MLH3: variants seen among roughly 807,000 people sequenced by gnomAD.
MLH3 encodes the protein mutL homolog 3.
MLH3 carries 82 observed loss-of-function variants against 122.2 expected under a neutral mutation model. That is an observed-to-expected ratio of 0.67 (90% CI 0.56 to 0.81). MLH3 has a LOEUF of 0.81. MLH3 is among the 30% of genes least tolerant of loss of function. The pLI is 0.00. For missense variants in MLH3, 1,539 were observed against 1,714.5 expected (o/e 0.90, Z 1.81); for synonymous variants, 524 against 599.5 (o/e 0.87, Z 1.84).
intron 9 of MLH3, among the ~76,000 whole-genome samples, chr14:75,027,915 T>C (rs1422663735): frequency 1.3e-5 from 2 of 151,740 alleles, no homozygotes; most frequent in African/African-American, 4.8e-5. Flanking sequence ...AGGAAGAGGA[T>C]AGAGAAGTGA....
At chr14:75,031,026 G>T (rs1891014927) in intron 8 of MLH3, among the ~76,000 whole-genome samples, 1 of 152,194 alleles carries the variant, frequency 6.6e-6, no homozygotes, top group Admixed American at 6.5e-5. Context: ...TGAAGAAAAG[G>T]TCTGAGAGTG....
chr14:75,039,782 A>G, intron 5 of MLH3, 129 bp downstream of exon 5: 1 of 279,604 alleles, frequency 3.6e-6, no homozygotes, highest in Admixed American at 5.4e-5. Flanking sequence ...ACACACACAC[A>G]CACACGTGCC....
rs1037545863 is a variant in MLH3, at chr14:75,040,311, G to A, written c.3466-296C>T. On this transcript the variant is annotated intron_variant, in intron 4 of 12. Coordinates refer to ENST00000355774, the MANE Select transcript of MLH3 (RefSeq NM_001040108.2). ...AAAAAATACAAAAAATTAGCTGGGC[G>A]TGGCGGCAGGCGCCTTTAGTCCCAG... Among the ~76,000 whole-genome samples the A allele has an allele frequency of 2.6e-5, 4 of 151,580 alleles. No individual in the cohort carries two copies. In the South Asian group the frequency reaches 8.4e-4, roughly 32 times the overall value.
intron 9 of MLH3, among the ~76,000 whole-genome samples, chr14:75,027,171 A>G (rs1890681645): frequency 6.6e-6 from 1 of 152,152 alleles, no homozygotes; most frequent in South Asian, 2.1e-4. Context: ...GGGGGGGATA[A>G]CTGGCAATGT....
chr14:75,050,404 G>A lies in MLH3; in HGVS notation c.-63-686C>T, dbSNP rs149701946. On this transcript the variant is annotated intron_variant, in intron 1 of 12. Coordinates refer to ENST00000355774, the MANE Select transcript of MLH3 (RefSeq NM_001040108.2). ...ATTACTCTGATGTTTTTAGAAAGTC[G>A]TTATTATTCTTTTTTGAAACAGTCT... Among the ~76,000 whole-genome samples the A allele has an allele frequency of 1.2e-3, 184 of 152,188 alleles. 1 individual carries two copies. The highest frequency in any genetic ancestry group is 4.4e-3 in the African/African-American group (183 of 41,524).
rs1441157980 is a variant in MLH3, at chr14:75,019,075, T to G, written c.4091-95A>C. 5.2e-6 allele frequency: 6 copies of G among 1,148,832 alleles called. No homozygotes were observed. In the East Asian group the frequency reaches 1.5e-4, roughly 28 times the overall value. 71.2% of individuals were successfully genotyped at this position (1,148,832 alleles called of 1,614,324 possible). A position where few individuals can be genotyped will look rare whatever the true frequency, so the allele number is the denominator to read the frequency against. On this transcript the variant is annotated intron_variant, in intron 11 of 12. Coordinates refer to ENST00000355774, the MANE Select transcript of MLH3 (RefSeq NM_001040108.2). The stretch of plus-strand genomic sequence containing the variant: ...TGCCAAATATCTGGAAAAAGTAACA[T>G]GTTTCTTAGGCTTCTTTAATGAAGC...
chr14:75,015,215 A>G lies in MLH3; in HGVS notation c.*1867T>C, dbSNP rs1445325802. On this transcript the variant is annotated 3_prime_UTR_variant, in exon 13 of 13. Coordinates refer to ENST00000355774, the MANE Select transcript of MLH3 (RefSeq NM_001040108.2). ...GGTAATCTATTAGATATTTTTCCCT[A>G]ATAGGTTGTTTTTATGCTGAGGCAT... The G allele has an allele frequency of 5.7e-6, 1 of 176,972 alleles. No homozygotes were observed. Among genetic ancestry groups the G allele is most frequent in the Non-Finnish European group, 1.2e-5 (1 of 82,180 alleles). 11.0% of individuals were successfully genotyped at this position (176,972 alleles called of 1,614,324 possible).
At chr14:75,039,231 T>C (rs1467039031) in intron 5 of MLH3, among the ~76,000 whole-genome samples, 1 of 152,146 alleles carries the variant, frequency 6.6e-6, no homozygotes, top group Admixed American at 6.5e-5. Flanking sequence ...GTCTAGGTAC[T>C]TGAGGCTCTC....
rs1408812789 is a variant in MLH3, at chr14:75,038,209, T to C, written c.3643+131A>G. ...CCACCGCACCCAGCCTTCATAATAT[T>C]CTTAGTTTTAGATTGGCTTTCCCTA... On this transcript the variant is annotated intron_variant, in intron 6 of 12. Transcript: ENST00000355774. 7 of 726,844 alleles carry C rather than the reference T, an allele frequency of 9.6e-6. No individual in the cohort carries two copies. In the East Asian group the frequency reaches 1.9e-4, roughly 20 times the overall value. The allele number at this position is 726,844 out of a possible 1,614,324, so 45.0% of individuals were successfully genotyped here.
chr14:75,046,228 T>A, intron 2 of MLH3, 148 bp downstream of exon 2: 1 of 749,910 alleles, frequency 1.3e-6, no homozygotes, highest in Non-Finnish European at 2.2e-6. Context: ...AATCTTCATA[T>A]AGCATGAAAA....
At chr14:75,044,585 G>T (rs1892088459) in intron 2 of MLH3, among the ~76,000 whole-genome samples, 2 of 152,148 alleles carry the variant, frequency 1.3e-5, no homozygotes, top group Non-Finnish European at 2.9e-5. Flanking sequence ...GGCTTTAAGA[G>T]CAACTTGATA....
intron 9 of MLH3, among the ~76,000 whole-genome samples, chr14:75,025,942 G>A (rs1890600715): frequency 6.6e-6 from 1 of 151,938 alleles, no homozygotes; most frequent in African/African-American, 2.4e-5. Flanking sequence ...TTCCTTTCAC[G>A]TTTGATTGCT....
At chr14:75,030,451 G>C in intron 9 of MLH3, 92 bp downstream of exon 9, 6 of 1,294,940 alleles carry the variant, frequency 4.6e-6, no homozygotes, top group South Asian at 3.6e-5. Flanking sequence ...ATGAATACTT[G>C]TTGAAGAAAA....
In MLH3 at chr14:75,030,556, T is replaced by C. The variant is rs781013323; in HGVS notation, c.3974A>G (p.Lys1325Arg). ...ELRRGRSTVT[K>R]SIVEEFIREQ... ...GCTGTGTCTTACCTCCACAATACTCTTGGTCACAGTAGATCTTCCTCTCCG... is the reference window on the plus strand; with the variant it reads ...GCTGTGTCTTACCTCCACAATACTCCTGGTCACAGTAGATCTTCCTCTCCG... Residue 1325 changes from lysine to arginine, a missense_variant, in exon 9 of 13, where the codon AAG becomes AGG. By Grantham distance (26) the Lys-to-Arg change is conservative. Coordinates refer to ENST00000355774, the MANE Select transcript of MLH3 (RefSeq NM_001040108.2). 20 of 1,614,026 alleles carry C rather than the reference T, an allele frequency of 1.2e-5. No individual in the cohort carries two copies. The highest frequency in any genetic ancestry group is 1.7e-5 in the Non-Finnish European group (20 of 1,180,012).
intron 11 of MLH3, among the ~76,000 whole-genome samples, chr14:75,021,414 C>G (rs1288743660): frequency 6.6e-6 from 1 of 152,150 alleles, no homozygotes; most frequent in Non-Finnish European, 1.5e-5. Context: ...CAACAGAGGT[C>G]TAATATCCAG....
chr14:75,047,078 T>A lies in MLH3; in HGVS notation c.2578A>T (p.Asn860Tyr). The change falls in exon 2 of 13, where the codon AAT becomes TAT. Residue 860 changes from asparagine (N) to tyrosine (Y), a missense_variant. Physicochemically the swap from Asn to Tyr is moderately radical, Grantham distance 143 (BLOSUM62 -2). Transcript: ENST00000355774. ...PMTLKELSLF[N>Y]RKPLDLEKSS... is the part of the protein sequence containing the mutation. Reference sequence around the variant, plus strand: ...TTCTCAAGGTCCAAAGGTTTTCTATTAAAGAGAGATAACTCCTTCAGGGTC... The same window carrying A: ...TTCTCAAGGTCCAAAGGTTTTCTATAAAAGAGAGATAACTCCTTCAGGGTC... The A allele has an allele frequency of 6.2e-7, 1 of 1,614,134 alleles. No individual in the cohort carries two copies. The highest frequency in any genetic ancestry group is 1.7e-5 in the Admixed American group (1 of 60,030).
In MLH3 at chr14:75,049,134, T is replaced by C. The variant is rs2139604180; in HGVS notation, c.522A>G (p.Arg174=). Reference sequence around the variant, plus strand: ...GGTGCATGAGTGAGAGAGCTTCTATTCTCTGCCTAACCTTCTCAAACTCCA... The same window carrying C: ...GGTGCATGAGTGAGAGAGCTTCTATCCTCTGCCTAACCTTCTCAAACTCCA... ...PRLEFEKVRQ[R]IEALSLMHPS... The change falls in exon 2 of 13, where the codon AGA becomes AGG. Residue 174 remains arginine (R), a synonymous_variant. Coordinates refer to ENST00000355774, the MANE Select transcript of MLH3 (RefSeq NM_001040108.2). The C allele has an allele frequency of 6.2e-7, 1 of 1,614,210 alleles. No individual in the cohort carries two copies. Among genetic ancestry groups the C allele is most frequent in the Middle Eastern group, 1.6e-4 (1 of 6,062 alleles).
At chr14:75,037,174 T>C (rs1891475778) in intron 6 of MLH3, among the ~76,000 whole-genome samples, 1 of 152,234 alleles carries the variant, frequency 6.6e-6, no homozygotes, top group African/African-American at 2.4e-5. Flanking sequence ...CCCCTTGCCC[T>C]GTTTCCACTC....
Position 75,032,162 on chromosome 14 carries a change from G to A in MLH3, c.3733C>T (p.Gln1245Ter), listed in dbSNP as rs1349822122. The change falls in exon 8 of 13, where the codon CAG (glutamine) becomes TAG (stop). Residue 1245 changes from glutamine (Q) to a stop codon, truncating the protein, a stop_gained. Coordinates refer to ENST00000355774, the MANE Select transcript of MLH3 (RefSeq NM_001040108.2). LOFTEE classifies it high-confidence loss of function. ...TTTTTCCGACCAGAGCCTTGTGCCT[G>A]TTGCTTCTCGTAGGAATCTATTGGC... is the stretch of plus-strand genomic sequence containing the variant. ...QLIIDSYEKQQAQGSGRKKLL... is the reference protein window; with the variant it reads ...QLIIDSYEKQ 2.5e-6 allele frequency: 4 copies of A among 1,610,718 alleles called. No individual in the cohort carries two copies. The highest frequency in any genetic ancestry group is 3.4e-6 in the Non-Finnish European group (4 of 1,177,042).
Sources: allele counts gnomAD v4.1 joint callset (sites outside exome capture counted in the v4.1 genomes callset), GRCh38; gene constraint gnomAD v4.1.1; transcripts MANE v1.5; gene names NCBI Gene and HGNC (gene_info 2026-07-23, HGNC 2026-07-21).